The following CCDC33 variants were observed in gnomAD, a reference collection of about 807,000 sequenced individuals.
The protein encoded by CCDC33 is coiled-coil domain-containing protein 33.
In CCDC33, 94 loss-of-function variants were observed where a neutral mutation model predicts 91.9. That is an observed-to-expected ratio of 1.02 (90% CI 0.87 to 1.21). The LOEUF is 1.21. CCDC33 is among the 50% of genes most tolerant of loss of function. The pLI is 0.00. For synonymous variants in CCDC33, 396 were observed against 374.5 expected (o/e 1.06, Z -0.66); for missense variants, 940 against 935.5 (o/e 1.00, Z -0.06).
chr15:74,213,279 A>G (rs1168673352), upstream of CCDC33: 1 of 152,088 alleles, frequency 6.6e-6, no homozygotes, highest in Admixed American at 6.6e-5. Flanking sequence ...TCAGACCTCC[A>G]TTCCAGAAAG....
chr15:74,310,097 G>A (rs2142735811), intron 11 of CCDC33, among the ~76,000 whole-genome samples: 1 of 152,294 alleles, frequency 6.6e-6, no homozygotes, highest in Non-Finnish European at 1.5e-5. Context: ...GCTGCGGGCA[G>A]TGAGCCATGT....
intron 2 of CCDC33, among the ~76,000 whole-genome samples, chr15:74,251,409 G>T (rs1413174386): frequency 6.6e-6 from 1 of 152,380 alleles, no homozygotes; most frequent in Admixed American, 6.5e-5. Context: ...CAGGCACGGG[G>T]TGCCCCAGTG....
At chr15:74,228,607 A>G (rs778250369) in intron 2 of CCDC33, among the ~76,000 whole-genome samples, 4 of 152,112 alleles carry the variant, frequency 2.6e-5, no homozygotes, top group Non-Finnish European at 5.9e-5. Context: ...CCCACTCCTT[A>G]CCCCACCCGG....
intron 16 of CCDC33, chr15:74,333,218 C>T (rs1234058471): frequency 6.3e-7 from 1 of 1,584,588 alleles, no homozygotes; most frequent in Non-Finnish European, 8.6e-7. Context: ...TTTTCCATCC[C>T]AGGTGGACCC....
At chr15:74,215,093 C>G (rs539913728), upstream of CCDC33, among the ~76,000 whole-genome samples, 1 of 152,062 alleles carries the variant, frequency 6.6e-6, no homozygotes, top group Non-Finnish European at 1.5e-5. Flanking sequence ...GTCACTAACC[C>G]GGGTCACAGG....
chr15:74,291,624 G>A (rs373985613), intron 10 of CCDC33, among the ~76,000 whole-genome samples: 54 of 152,374 alleles, frequency 3.5e-4, no homozygotes, highest in African/African-American at 1.3e-3. Context: ...CGGGGCGAGA[G>A]GCAGGCAGGC....
At position 74,218,627 on chromosome 15, in the gene CCDC33, AC is replaced by A. The variant is rs2074508723; in HGVS notation, c.445del (p.Arg149AlafsTer2). 7.0e-6 allele frequency: 9 copies of A among 1,289,660 alleles called. No individual in the cohort carries two copies. In the South Asian group the frequency reaches 7.4e-5, roughly 11 times the overall value. 79.9% of individuals were successfully genotyped at this position (1,289,660 alleles called of 1,614,324 possible). A position where few individuals can be genotyped will look rare whatever the true frequency, so the allele number is the denominator to read the frequency against. On this transcript the variant is annotated frameshift_variant, in exon 2 of 3. Transcript: ENST00000635913. LOFTEE classifies it high-confidence loss of function. The surrounding 1 kb of genome is among the most constrained non-coding windows in gnomAD (Gnocchi z 4.8). ...TCCCCATCTACCCGAGGCCAGACCA[AC>A]CCCGCATGAACCCAAAGGCTCAGGA...
chr15:74,260,998 T>A (rs1250997569), intron 2 of CCDC33, among the ~76,000 whole-genome samples: 2 of 152,282 alleles, frequency 1.3e-5, no homozygotes, highest in East Asian at 3.9e-4. Context: ...CATCTCTGTT[T>A]TATAGATGAA....
chr15:74,272,953 C>T, intron 7 of CCDC33, 62 bp downstream of exon 7: 5 of 1,592,330 alleles, frequency 3.1e-6, no homozygotes, highest in Admixed American at 1.7e-5. Context: ...ACTGTTCACT[C>T]ACTCAGTGAG....
chr15:74,277,438 G>A lies in CCDC33; in HGVS notation c.760-2525G>A, dbSNP rs141728346. Among the ~76,000 whole-genome samples, 57 of 152,380 alleles carry A rather than the reference G, an allele frequency of 3.7e-4. No homozygotes were observed. The East Asian group carries it at 0.011, about 28-fold the overall frequency. On this transcript the variant is annotated intron_variant, in intron 7 of 18. Transcript: ENST00000398814. ...GGAGGGGCCATGGAATGAAGGCTCTGTCCCCAGGGGAAGCAGGTCTGCCTC... is the reference window on the plus strand; with the variant it reads ...GGAGGGGCCATGGAATGAAGGCTCTATCCCCAGGGGAAGCAGGTCTGCCTC...
rs191588 is a variant in CCDC33 at position 74,286,626 on chromosome 15, C to T, written c.1095+4777C>T. Reference sequence around the variant, plus strand: ...ACCTCCCCATGAGGTGGGACAAGTTCATGCCGTCATCTGGGTATACAGCAA... The same window carrying T: ...ACCTCCCCATGAGGTGGGACAAGTTTATGCCGTCATCTGGGTATACAGCAA... On this transcript the variant is annotated intron_variant, in intron 10 of 18. Coordinates refer to ENST00000398814, the MANE Select transcript of CCDC33 (RefSeq NM_025055.5). Among the ~76,000 whole-genome samples, 623 of 152,254 alleles carry T rather than the reference C, an allele frequency of 4.1e-3. 6 individuals carry two copies. Among genetic ancestry groups the T allele is most frequent in the African/African-American group, 0.013 (526 of 41,562 alleles).
intron 11 of CCDC33, among the ~76,000 whole-genome samples, chr15:74,296,675 T>C (rs2059694075): frequency 6.6e-6 from 1 of 152,176 alleles, no homozygotes. Context: ...TCTGGTGACA[T>C]AGTCTGTGTC....
intron 10 of CCDC33, among the ~76,000 whole-genome samples, chr15:74,284,952 A>G (rs2059443346): frequency 6.6e-6 from 1 of 152,280 alleles, no homozygotes; most frequent in Non-Finnish European, 1.5e-5. Flanking sequence ...CAAATATTGC[A>G]TAATGGGTCC....
At chr15:74,221,396 G>A (rs140302935) in intron 2 of CCDC33, 23 of 820,086 alleles carry the variant, frequency 2.8e-5, no homozygotes, top group African/African-American at 1.8e-4. Context: ...AAACTTCCAC[G>A]ACTGGCTTTG....
At chr15:74,269,813 C>T (rs2076266666) in intron 5 of CCDC33, among the ~76,000 whole-genome samples, 1 of 152,230 alleles carries the variant, frequency 6.6e-6, no homozygotes, top group Non-Finnish European at 1.5e-5. Flanking sequence ...CAGCTGCCTG[C>T]TCCTGATGGT....
intron 2 of CCDC33, 45 bp from the exon 3 acceptor site, chr15:74,262,395 G>A (rs1397050192): frequency 3.7e-6 from 6 of 1,610,204 alleles, no homozygotes; most frequent in Non-Finnish European, 5.1e-6. Flanking sequence ...ACAAGCAGCA[G>A]ACAGAACCCC....
At chr15:74,332,916 C>A in intron 16 of CCDC33, 71 bp downstream of exon 16, 1 of 1,543,050 alleles carries the variant, frequency 6.5e-7, no homozygotes, top group East Asian at 2.3e-5. Context: ...TGGTACAACC[C>A]AAGTTGAAGA....
intron 2 of CCDC33, among the ~76,000 whole-genome samples, chr15:74,230,846 G>A (rs1030902938): frequency 5.9e-5 from 9 of 152,202 alleles, no homozygotes; most frequent in Non-Finnish European, 1.3e-4. Flanking sequence ...AGGCTCTGAG[G>A]GATCAGGGGG....
chr15:74,215,544 T>C (rs557185570), upstream of CCDC33, among the ~76,000 whole-genome samples: 4 of 151,710 alleles, frequency 2.6e-5, no homozygotes, highest in East Asian at 7.7e-4. Flanking sequence ...TTGACTACAA[T>C]TTTTTTTTAA....
Sources: allele counts gnomAD v4.1 joint callset (sites outside exome capture counted in the v4.1 genomes callset), GRCh38; gene constraint gnomAD v4.1.1; non-coding constraint Gnocchi (gnomAD v3.1); transcripts MANE v1.5; gene names NCBI Gene and HGNC (gene_info 2026-07-23, HGNC 2026-07-21).